The following GABRB1 variants were observed in gnomAD, a reference collection of about 807,000 sequenced individuals.
The protein encoded by GABRB1 is gamma-aminobutyric acid receptor subunit beta-1.
GABRB1 carries 17 observed loss-of-function variants against 51.6 expected under a neutral mutation model. The observed-to-expected ratio is 0.33, with a 90% CI of 0.23 to 0.49. The LOEUF (loss-of-function observed/expected upper bound fraction) is 0.49. Ranked by LOEUF, GABRB1 falls within the 20% of genes least tolerant of loss-of-function variation. GABRB1 has a pLI of 0.99. For synonymous variants in GABRB1, 247 were observed against 218.9 expected (o/e 1.13, Z -1.14); for missense variants, 410 against 600.6 (o/e 0.68, Z 3.32).
intron 3 of GABRB1, among the ~76,000 whole-genome samples, chr4:47,159,503 A>G (rs987283430): frequency 1.1e-4 from 6 of 54,032 alleles, no homozygotes; most frequent in Non-Finnish European, 1.7e-4. Context: ...AAGTAGCCTG[A>G]GGGTTATTTT....
chr4:47,260,154 C>T (rs980714057), intron 4 of GABRB1, among the ~76,000 whole-genome samples: 1 of 151,848 alleles, frequency 6.6e-6, no homozygotes, highest in African/African-American at 2.4e-5. Context: ...CAACCCCTAC[C>T]TTTTTTTTGT....
chr4:47,102,653 T>A (rs537607247), intron 3 of GABRB1, among the ~76,000 whole-genome samples: 1 of 152,038 alleles, frequency 6.6e-6, no homozygotes, highest in South Asian at 2.1e-4. Flanking sequence ...CAAGTCAATG[T>A]CAGGTTCTGA....
Position 47,021,836 on chromosome 4 carries a change from AT to A in GABRB1, c.-19-10077del, listed in dbSNP as rs202086562. On this transcript the variant is annotated intron_variant, in intron 1 of 3. Coordinates refer to the GABRB1 transcript ENST00000513567. ...CTCCTCCTTTTAAGAAATCAAAAAA[AT>A]AATAATATTACCAGAGCTTAGATAT... Among the ~76,000 whole-genome samples, 1,126 of 152,246 alleles carry A rather than the reference AT, an allele frequency of 7.4e-3. 18 individuals carry two copies. Among genetic ancestry groups the A allele is most frequent in the African/African-American group, 0.026 (1,062 of 41,566 alleles).
intron 4 of GABRB1, among the ~76,000 whole-genome samples, chr4:47,268,197 T>A (rs1038180944): frequency 8.6e-5 from 13 of 151,936 alleles, no homozygotes; most frequent in Middle Eastern, 3.4e-3. Flanking sequence ...CTAAAAAAAA[T>A]TTACCTCCAT....
intron 8 of GABRB1, among the ~76,000 whole-genome samples, chr4:47,414,613 C>T (rs1187358290): frequency 6.6e-6 from 1 of 152,172 alleles, no homozygotes; most frequent in Non-Finnish European, 1.5e-5. Flanking sequence ...ATTTTCCTTT[C>T]ACAATACCAA....
intron 5 of GABRB1, among the ~76,000 whole-genome samples, chr4:47,334,700 G>A (rs375514470): frequency 1.3e-5 from 2 of 152,132 alleles, no homozygotes; most frequent in Non-Finnish European, 2.9e-5. Flanking sequence ...TTACACCTCC[G>A]CTATCTAGAG....
At chr4:47,318,589 C>A (rs920135364) in intron 4 of GABRB1, among the ~76,000 whole-genome samples, 9 of 152,016 alleles carry the variant, frequency 5.9e-5, no homozygotes, top group African/African-American at 1.4e-4. Flanking sequence ...AAACACTATC[C>A]TAGGATGAGA....
At chr4:47,173,564 CATG>C (rs1357175826) in intron 4 of GABRB1, among the ~76,000 whole-genome samples, 3 of 152,276 alleles carry the variant, frequency 2.0e-5, no homozygotes, top group Admixed American at 2.0e-4. Flanking sequence ...CCAAATGTGA[CATG>C]ATATCTACAA....
intron 8 of GABRB1, 140 bp downstream of exon 8, chr4:47,407,066 T>C (rs982935817): frequency 3.0e-5 from 26 of 854,558 alleles, no homozygotes; most frequent in Non-Finnish European, 4.4e-5. Flanking sequence ...ATTTTACATA[T>C]TCAGGGACTG....
At chr4:47,341,722 A>T (rs1217657170) in intron 5 of GABRB1, among the ~76,000 whole-genome samples, 1 of 152,172 alleles carries the variant, frequency 6.6e-6, no homozygotes, top group Non-Finnish European at 1.5e-5. Context: ...TAAATTCTGA[A>T]CCAAAGTGTC....
At chr4:47,132,232 T>A (rs1164190670) in intron 3 of GABRB1, among the ~76,000 whole-genome samples, 1 of 152,194 alleles carries the variant, frequency 6.6e-6, no homozygotes, top group African/African-American at 2.4e-5. Flanking sequence ...CAATCACTGT[T>A]TATGTTGTAT....
At chr4:47,182,201 G>A (rs549083044) in intron 4 of GABRB1, among the ~76,000 whole-genome samples, 9 of 152,050 alleles carry the variant, frequency 5.9e-5, no homozygotes, top group African/African-American at 2.2e-4. Flanking sequence ...CATTTCCTGG[G>A]ATCGCTCAGA....
At chr4:47,038,475 A>G (rs1725692979) in intron 3 of GABRB1, among the ~76,000 whole-genome samples, 1 of 152,202 alleles carries the variant, frequency 6.6e-6, no homozygotes, top group Non-Finnish European at 1.5e-5. Context: ...TAAACTGGGA[A>G]CACTGCTCCA....
At chr4:47,417,998 G>A (rs2110064960) in intron 8 of GABRB1, among the ~76,000 whole-genome samples, 1 of 152,328 alleles carries the variant, frequency 6.6e-6, no homozygotes, top group African/African-American at 2.4e-5. Context: ...AGGAGATAGT[G>A]AGTGAGATGG....
At chr4:47,297,330 TG>T (rs1299183099) in intron 4 of GABRB1, among the ~76,000 whole-genome samples, 29 of 126,328 alleles carry the variant, frequency 2.3e-4, no homozygotes, top group Non-Finnish European at 4.7e-4. Context: ...GCTGGTTTTT[TG>T]AAAGGATCAA....
intron 8 of GABRB1, among the ~76,000 whole-genome samples, chr4:47,410,176 A>T (rs1728712100): frequency 6.6e-6 from 1 of 152,232 alleles, no homozygotes. Flanking sequence ...TTTTTAAAAT[A>T]TGTTTTTATC....
intron 4 of GABRB1, among the ~76,000 whole-genome samples, chr4:47,296,725 C>T (rs1388833359): frequency 6.6e-6 from 1 of 152,018 alleles, no homozygotes; most frequent in Non-Finnish European, 1.5e-5. Context: ...ACAAGGATAC[C>T]CAGGAATTGA....
At chr4:47,122,678 T>C (rs1273267358) in intron 3 of GABRB1, among the ~76,000 whole-genome samples, 1 of 152,164 alleles carries the variant, frequency 6.6e-6, no homozygotes, top group African/African-American at 2.4e-5. Context: ...GGAAGTATGA[T>C]AGACTTGGTT....
At chr4:47,402,719 T>C (rs1318975720) in intron 5 of GABRB1, among the ~76,000 whole-genome samples, 1 of 152,148 alleles carries the variant, frequency 6.6e-6, no homozygotes, top group African/African-American at 2.4e-5. Context: ...AAAAGCATTA[T>C]CAAAAATTTA....
Sources: allele counts gnomAD v4.1 joint callset (sites outside exome capture counted in the v4.1 genomes callset), GRCh38; gene constraint gnomAD v4.1.1; transcripts MANE v1.5; gene names NCBI Gene and HGNC (gene_info 2026-07-23, HGNC 2026-07-21).